Variants in ATG2B observed in about 807,000 individuals in gnomAD.
ATG2B encodes the protein autophagy related 2B.
In ATG2B, 121 loss-of-function variants were observed where a neutral mutation model predicts 241.3. The ratio of observed to expected loss-of-function variants is 0.50; its 90% CI spans 0.43 to 0.58. The LOEUF (loss-of-function observed/expected upper bound fraction) is 0.58, where lower values mean the gene tolerates loss of function less well. Ranked by LOEUF, ATG2B falls within the 20% of genes least tolerant of loss-of-function variation. The probability of loss-of-function intolerance (pLI) is 0.00; values close to 1 mark genes in which losing one functional copy is unlikely to be tolerated. For missense variants in ATG2B, 2,306 were observed against 2,491.6 expected (o/e 0.93, Z 1.59); for synonymous variants, 858 against 876.6 (o/e 0.98, Z 0.37).
intron 23 of ATG2B, 74 bp from the exon 24 acceptor site, chr14:96,313,509 T>G: frequency 1.6e-6 from 1 of 632,040 alleles, no homozygotes; most frequent in Non-Finnish European, 2.6e-6. Flanking sequence ...TTAATACCAA[T>G]GTAAACCAGA....
In ATG2B at chr14:96,282,275, C is replaced by T. The variant is rs1263443021; in HGVS notation, c.*3480G>A. 3 of 152,202 alleles carry T rather than the reference C, an allele frequency of 2.0e-5. No homozygotes were observed. The highest frequency in any genetic ancestry group is 7.2e-5 in the African/African-American group (3 of 41,448). The allele number at this position is 152,202 out of a possible 1,614,324, so 9.4% of individuals were successfully genotyped here. On this transcript the variant is annotated 3_prime_UTR_variant, in exon 42 of 42. Coordinates refer to ENST00000359933, the MANE Select transcript of ATG2B (RefSeq NM_018036.7). ...TACCAATTGGTATGTCCAGCTGATGCATTTGCAGATACAAAAGAATATTGC... is the reference window on the plus strand; with the variant it reads ...TACCAATTGGTATGTCCAGCTGATGTATTTGCAGATACAAAAGAATATTGC...
intron 29 of ATG2B, among the ~76,000 whole-genome samples, chr14:96,308,238 A>G (rs1196602670): frequency 7.6e-5 from 1 of 13,078 alleles, no homozygotes; most frequent in African/African-American, 2.5e-4. Flanking sequence ...ATACATATAT[A>G]TATATATATA....
intron 15 of ATG2B, 46 bp downstream of exon 15, chr14:96,325,600 AGTT>A (rs1367267922): frequency 2.6e-6 from 4 of 1,522,872 alleles, no homozygotes; most frequent in Admixed American, 4.0e-5. Context: ...TTTCAGTAGC[AGTT>A]GTTTGTTATC....
rs1229180497 is a variant in ATG2B, at chr14:96,308,257, C to CATATAT, written c.4303+1190_4303+1195dup. Among the ~76,000 whole-genome samples, 3 of 33,718 alleles carry CATATAT rather than the reference C, an allele frequency of 8.9e-5. No individual in the cohort carries two copies. In the Admixed American group the frequency reaches 1.4e-3, roughly 16 times the overall value. 22.1% of individuals were successfully genotyped at this position (33,718 alleles called of 152,430 possible). On this transcript the variant is annotated intron_variant, in intron 29 of 41. Coordinates refer to ENST00000359933, the MANE Select transcript of ATG2B (RefSeq NM_018036.7). ...ATATATATATATATATATATACACA[C>CATATAT]ATATATATATATATATATATATATA...
Position 96,306,889 on chromosome 14 carries a change from T to C in ATG2B, c.4331A>G (p.Gln1444Arg), listed in dbSNP as rs772312763. Residue 1444 changes from glutamine to arginine, a missense_variant, in exon 30 of 42, where the codon CAG (glutamine) becomes CGG (arginine). Gln to Arg is a conservative substitution (Grantham distance 43). This residue lies in a region of ATG2B where 1,927 missense variants were observed against 2,011.2 expected (regional missense o/e 0.96). Transcript: ENST00000359933. The stretch of plus-strand genomic sequence containing the variant: ...GAAGAGGTCTGAACAACATGGCTCC[T>C]GAATTTGAGATTTTTCATCCAAAAC... Reference protein sequence around the residue: ...NGVLDEKSQIQEPCCSDLFLF... With the variant: ...NGVLDEKSQIREPCCSDLFLF... 54 of 1,613,206 alleles carry C rather than the reference T, an allele frequency of 3.3e-5. No homozygotes were observed. The highest frequency in any genetic ancestry group is 4.5e-5 in the Non-Finnish European group (53 of 1,179,868).
In ATG2B at chr14:96,332,555, T is replaced by C; in HGVS notation, c.1308A>G (p.Ser436=). ...GGGTATTTGTATATGTACTAGTTAATGATAACTCAAGGTCCATGTTTGGGG... is the reference window on the plus strand; with the variant it reads ...GGGTATTTGTATATGTACTAGTTAACGATAACTCAAGGTCCATGTTTGGGG... The part of the protein sequence containing the change: ...GDPPNMDLEL[S]LTSTYTNTPA... Residue 436 remains serine, a synonymous_variant, in exon 9 of 42, where the codon TCA becomes TCG. Transcript: ENST00000359933. The C allele has an allele frequency of 6.2e-7, 1 of 1,611,628 alleles. No homozygotes were observed. The highest frequency in any genetic ancestry group is 8.5e-7 in the Non-Finnish European group (1 of 1,179,062).
intron 34 of ATG2B, among the ~76,000 whole-genome samples, chr14:96,301,709 A>C (rs1017920792): frequency 6.6e-6 from 1 of 152,220 alleles, no homozygotes; most frequent in Non-Finnish European, 1.5e-5. Context: ...ATACTCTCTG[A>C]AAATGTATGC....
In ATG2B at chr14:96,333,801, C is replaced by A; in HGVS notation, c.1094G>T (p.Arg365Leu). Residue 365 changes from arginine (R) to leucine (L), a missense_variant, in exon 8 of 42, where the codon CGA becomes CTA. Physicochemically the swap from Arg to Leu is moderately radical, Grantham distance 102. Coordinates refer to ENST00000359933, the MANE Select transcript of ATG2B (RefSeq NM_018036.7). ...NRPMQQEDEY[R>L]IQMELNRYYL... ...ATACCGGTTTAATTCCATCTGAATT[C>A]GATACTCGTCTTCCTGCTGCATGGG... The A allele has an allele frequency of 1.2e-6, 2 of 1,613,828 alleles. No individual in the cohort carries two copies. Among genetic ancestry groups the A allele is most frequent in the Non-Finnish European group, 1.7e-6 (2 of 1,179,862 alleles).
chr14:96,288,891 G>A (rs938357557), intron 41 of ATG2B, among the ~76,000 whole-genome samples: 6 of 150,832 alleles, frequency 4.0e-5, no homozygotes, highest in Admixed American at 1.3e-4. Context: ...AGATTCCAAC[G>A]GTTACTCCCC....
intron 6 of ATG2B, among the ~76,000 whole-genome samples, chr14:96,340,694 C>T (rs1029926346): frequency 6.6e-6 from 1 of 152,102 alleles, no homozygotes; most frequent in African/African-American, 2.4e-5. Flanking sequence ...AGAAGGACTG[C>T]TTCAGCCCAG....
At chr14:96,341,115 ATCT>A (rs948410151) in intron 6 of ATG2B, among the ~76,000 whole-genome samples, 2 of 152,194 alleles carry the variant, frequency 1.3e-5, no homozygotes, top group Non-Finnish European at 1.5e-5. Flanking sequence ...TTATAAAAAC[ATCT>A]TCTACAGATT....
chr14:96,290,434 A>T lies in ATG2B; in HGVS notation c.5856+2T>A. ...ATAGACTAAGGCAGTCTAAAAAGATACCTGTATGGTTTGAACCATTCTGTT... is the reference window on the plus strand; with the variant it reads ...ATAGACTAAGGCAGTCTAAAAAGATTCCTGTATGGTTTGAACCATTCTGTT... On this transcript the variant is annotated splice_donor_variant, in intron 40 of 41. Coordinates refer to ENST00000359933, the MANE Select transcript of ATG2B (RefSeq NM_018036.7). LOFTEE classifies it high-confidence loss of function. The surrounding 1 kb of genome is among the most constrained non-coding windows in gnomAD (Gnocchi z 4.4). 6.2e-7 allele frequency: 1 copy of T among 1,614,046 alleles called. No individual in the cohort carries two copies. The highest frequency in any genetic ancestry group is 8.5e-7 in the Non-Finnish European group (1 of 1,179,940).
Position 96,290,301 on chromosome 14 carries a change from G to T in ATG2B, c.5856+135C>A. The T allele has an allele frequency of 7.7e-7, 1 of 1,291,448 alleles. No homozygotes were observed. The highest frequency in any genetic ancestry group is 1.0e-6 in the Non-Finnish European group (1 of 956,026). The allele number at this position is 1,291,448 out of a possible 1,614,324, so 80.0% of individuals were successfully genotyped here. A position where few individuals can be genotyped will look rare whatever the true frequency, so the allele number is the denominator to read the frequency against. On this transcript the variant is annotated intron_variant, in intron 40 of 41. Transcript: ENST00000359933. This position sits in a 1 kb window ranked among gnomAD's most constrained non-coding sequence, Gnocchi z 4.4. ...AACATTTAAGCAATAAAACAAGCAT[G>T]ACATTAAATCACTACGAATAAAGTA...
Position 96,313,103 on chromosome 14 carries a change from G to A in ATG2B, c.3804C>T (p.Ser1268=), listed in dbSNP as rs752354625. The part of the protein sequence containing the change: ...SLLTVETFSV[S]SSVALDKSSS... Reference sequence around the variant, plus strand: ...AAGATTTATCCAATGCAACGCTACTGGAAACACTGAATGTTTCCACGGTAA... The same window carrying A: ...AAGATTTATCCAATGCAACGCTACTAGAAACACTGAATGTTTCCACGGTAA... Residue 1268 remains serine (S), a synonymous_variant, in exon 25 of 42, where the codon TCC becomes TCT. Transcript: ENST00000359933. 8.7e-6 allele frequency: 14 copies of A among 1,613,382 alleles called. No individual in the cohort carries two copies. Among genetic ancestry groups the A allele is most frequent in the Admixed American group, 5.0e-5 (3 of 59,980 alleles).
chr14:96,333,926 A>C lies in ATG2B; in HGVS notation c.1022-53T>G, dbSNP rs1887806611. On this transcript the variant is annotated intron_variant, in intron 7 of 41. Transcript: ENST00000359933. ...CAGTAATTAAATTTGGAGTTAATTA[A>C]GCATTTCTTTCCCAAAACCCATTTA... 5.9e-6 allele frequency: 9 copies of C among 1,518,702 alleles called. No homozygotes were observed. In the South Asian group the frequency reaches 1.0e-4, roughly 17 times the overall value. 94.1% of individuals were successfully genotyped at this position (1,518,702 alleles called of 1,614,324 possible).
intron 29 of ATG2B, 74 bp from the exon 30 acceptor site, chr14:96,306,990 G>T: frequency 8.0e-7 from 1 of 1,257,544 alleles, no homozygotes. Flanking sequence ...CCATGTGTCA[G>T]ATATATGTTG....
chr14:96,284,628 A>G lies in ATG2B; in HGVS notation c.*1127T>C, dbSNP rs1452282050. The stretch of plus-strand genomic sequence containing the variant: ...TTACTCCTAGGTAATGATTTACCTG[A>G]TATTAACCAAAATCGATTTTGAGAA... On this transcript the variant is annotated 3_prime_UTR_variant, in exon 42 of 42. Transcript: ENST00000359933. The G allele has an allele frequency of 6.6e-6, 1 of 152,252 alleles. No homozygotes were observed. Among genetic ancestry groups the G allele is most frequent in the Non-Finnish European group, 1.5e-5 (1 of 68,048 alleles). The allele number at this position is 152,252 out of a possible 1,614,324, so 9.4% of individuals were successfully genotyped here. A position where few individuals can be genotyped will look rare whatever the true frequency, so the allele number is the denominator to read the frequency against.
chr14:96,339,980 C>T (rs1450828920), intron 6 of ATG2B, among the ~76,000 whole-genome samples: 2 of 150,370 alleles, frequency 1.3e-5, no homozygotes, highest in Middle Eastern at 3.4e-3. Flanking sequence ...GAAAGGAAAG[C>T]AATATACCAA....
intron 22 of ATG2B, 54 bp from the exon 23 acceptor site, chr14:96,315,288 C>CA: frequency 6.3e-7 from 1 of 1,587,590 alleles, no homozygotes; most frequent in Non-Finnish European, 8.6e-7. Context: ...TCCTATAACT[C>CA]AAAAGTTTTT....
Sources: gnomAD v4.1 joint callset for allele counts (sites outside exome capture counted in the v4.1 genomes callset) on GRCh38, gnomAD v4.1.1 for gene constraint, gnomAD v4.1.1 regional missense constraint, Gnocchi (gnomAD v3.1) non-coding constraint, MANE v1.5 for transcripts, NCBI Gene and HGNC (gene_info 2026-07-23, HGNC 2026-07-21) for gene names.